The following CUL2 variants were observed in gnomAD, a reference collection of about 807,000 sequenced individuals.
CUL2 encodes cullin-2.
CUL2 carries 22 observed loss-of-function variants against 110.2 expected under a neutral mutation model. The observed-to-expected ratio is 0.20, with a 90% confidence interval of 0.14 to 0.28. The LOEUF (loss-of-function observed/expected upper bound fraction) is 0.28, where lower values mean the gene tolerates loss of function less well. Among genes scored for constraint, CUL2 ranks in the 10% least tolerant of loss-of-function variants. The pLI, the probability that CUL2 is intolerant of heterozygous loss-of-function variation, is 1.00. For missense variants in CUL2, 631 were observed against 905.5 expected (o/e 0.70, Z 3.89); for synonymous variants, 279 against 293.2 (o/e 0.95, Z 0.49).
chr10:35,105,332 A>G (rs941593631), intron 1 of CUL2, among the ~76,000 whole-genome samples: 3 of 151,970 alleles, frequency 2.0e-5, no homozygotes, highest in Admixed American at 6.6e-5. Context: ...AGGCTGAGGC[A>G]GGAGAATGGC....
intron 1 of CUL2, among the ~76,000 whole-genome samples, chr10:35,086,432 C>T (rs1380651933): frequency 6.6e-6 from 1 of 152,052 alleles, no homozygotes; most frequent in Non-Finnish European, 1.5e-5. Context: ...GGATTACAGG[C>T]CTGCACCACC....
In CUL2 at chr10:35,082,460, G is replaced by A. The variant is rs80152043; in HGVS notation, c.-23+7719C>T. Among the ~76,000 whole-genome samples the A allele has an allele frequency of 2.7e-3, 409 of 152,154 alleles. 13 individuals carry two copies. In the East Asian group the frequency reaches 0.076, roughly 28 times the overall value. ...TTCTGTCTAGTAACGAAAAAGTTTT[G>A]GAAATGGTGGTTTTGGAAATGGTGG... On this transcript the variant is annotated intron_variant, in intron 1 of 20. Transcript: ENST00000374749.
chr10:35,013,018 A>G (rs986101380), intron 19 of CUL2, among the ~76,000 whole-genome samples: 1 of 152,042 alleles, frequency 6.6e-6, no homozygotes, highest in South Asian at 2.1e-4. Context: ...TTTAAGAAGC[A>G]TTTTCTACTG....
intron 1 of CUL2, among the ~76,000 whole-genome samples, chr10:35,108,686 T>A (rs1324020984): frequency 6.6e-6 from 1 of 152,082 alleles, no homozygotes; most frequent in Non-Finnish European, 1.5e-5. Flanking sequence ...ATAGTTCTTT[T>A]TCAGGGTTTC....
At chr10:35,094,849 C>T (rs1445588497), upstream of CUL2, among the ~76,000 whole-genome samples, 1 of 152,098 alleles carries the variant, frequency 6.6e-6, no homozygotes, top group East Asian at 1.9e-4. Flanking sequence ...CTGGGTAACC[C>T]TTTAAGTTAC....
intron 17 of CUL2, among the ~76,000 whole-genome samples, chr10:35,022,365 T>A (rs1005342730): frequency 6.6e-6 from 1 of 152,220 alleles, no homozygotes; most frequent in African/African-American, 2.4e-5. Context: ...GTGAAGACTC[T>A]TCATTTACAA....
chr10:35,104,249 C>A (rs1589064008), intron 1 of CUL2, among the ~76,000 whole-genome samples: 1 of 152,110 alleles, frequency 6.6e-6, no homozygotes, highest in East Asian at 1.9e-4. Context: ...GAGTTGGAGA[C>A]CAGCCTGGGT....
intron 1 of CUL2, among the ~76,000 whole-genome samples, chr10:35,113,510 A>AAAC (rs2087550145): frequency 1.4e-5 from 2 of 140,472 alleles, no homozygotes. Flanking sequence ...AAAAAAAAAA[A>AAAC]AAAAAAAAAA....
intron 1 of CUL2, among the ~76,000 whole-genome samples, chr10:35,120,205 C>T (rs1472001597): frequency 6.6e-6 from 1 of 152,098 alleles, no homozygotes; most frequent in Non-Finnish European, 1.5e-5. Context: ...GGCTTAGACA[C>T]AAATACCAAA....
At chr10:35,056,147 G>A (rs1321885024) in intron 4 of CUL2, among the ~76,000 whole-genome samples, 1 of 152,190 alleles carries the variant, frequency 6.6e-6, no homozygotes, top group Non-Finnish European at 1.5e-5. Flanking sequence ...AGAATGTACA[G>A]TATACAAAGC....
Position 35,009,152 on chromosome 10 carries a change from T to C in CUL2, c.*1159A>G, listed in dbSNP as rs2084831947. 1 of 146,844 alleles carries C rather than the reference T, an allele frequency of 6.8e-6. No individual in the cohort carries two copies. 9.1% of individuals were successfully genotyped at this position (146,844 alleles called of 1,614,324 possible). A position where few individuals can be genotyped will look rare whatever the true frequency, so the allele number is the denominator to read the frequency against. Reference sequence around the variant, plus strand: ...TGTGGATAGACAATAAATATGATAATAGATCGCAGTACTCTTAACACTGCT... The same window carrying C: ...TGTGGATAGACAATAAATATGATAACAGATCGCAGTACTCTTAACACTGCT... On this transcript the variant is annotated 3_prime_UTR_variant, in exon 21 of 21. Coordinates refer to ENST00000374749, the MANE Select transcript of CUL2 (RefSeq NM_003591.4).
intron 1 of CUL2, among the ~76,000 whole-genome samples, chr10:35,124,205 A>T (rs1387191573): frequency 6.6e-6 from 1 of 152,188 alleles, no homozygotes; most frequent in Non-Finnish European, 1.5e-5. Flanking sequence ...TTAAAAAATA[A>T]GGCAGTAGTC....
At chr10:35,095,830 A>C (rs996797723) in intron 2 of CUL2, among the ~76,000 whole-genome samples, 43 of 152,178 alleles carry the variant, frequency 2.8e-4, no homozygotes, top group African/African-American at 1.0e-3. Context: ...CAAAGAGTTG[A>C]GATTACAGGC....
In CUL2 at chr10:35,012,119, T is replaced by C. The variant is rs146565928; in HGVS notation, c.1990-155A>G. 3.7e-3 allele frequency among the ~76,000 whole-genome samples: 566 copies of C among 151,092 alleles called. 6 individuals carry two copies. The highest frequency in any genetic ancestry group is 0.013 in the African/African-American group (531 of 41,150). ...TCCTGGCTGGAGTTCAGTGACTCGC[T>C]CTCAGCTCACCGCAACCTCCATCTC... On this transcript the variant is annotated intron_variant, in intron 19 of 20. Coordinates refer to ENST00000374749, the MANE Select transcript of CUL2 (RefSeq NM_003591.4).
intron 10 of CUL2, among the ~76,000 whole-genome samples, chr10:35,033,647 G>GAACT (rs1293143783): frequency 6.6e-6 from 1 of 151,990 alleles, no homozygotes; most frequent in African/African-American, 2.4e-5. Flanking sequence ...TGAGGCAGGG[G>GAACT]AACTGCTGGA....
At chr10:35,079,853 T>C (rs1260228659) in intron 1 of CUL2, among the ~76,000 whole-genome samples, 1 of 152,252 alleles carries the variant, frequency 6.6e-6, no homozygotes, top group South Asian at 2.1e-4. Context: ...TCAGGGTGAC[T>C]TGAACACAAA....
chr10:35,093,074 C>T (rs914027445), upstream of CUL2, among the ~76,000 whole-genome samples: 1 of 152,012 alleles, frequency 6.6e-6, no homozygotes, highest in African/African-American at 2.4e-5. Context: ...GTCCTATGGC[C>T]CCACCCAGAG....
chr10:35,040,743 G>T (rs1008616586), intron 8 of CUL2, among the ~76,000 whole-genome samples: 2 of 152,162 alleles, frequency 1.3e-5, no homozygotes, highest in African/African-American at 4.8e-5. Flanking sequence ...GGGCGGCATT[G>T]GTGGGGGCAG....
At chr10:35,086,036 G>T (rs953879725) in intron 1 of CUL2, among the ~76,000 whole-genome samples, 1 of 151,714 alleles carries the variant, frequency 6.6e-6, no homozygotes, top group Non-Finnish European at 1.5e-5. Context: ...AAAGAAACAA[G>T]CAGCCTGGCC....
Sources: allele counts gnomAD v4.1 joint callset (sites outside exome capture counted in the v4.1 genomes callset), GRCh38; gene constraint gnomAD v4.1.1; transcripts MANE v1.5; gene names NCBI Gene and HGNC (gene_info 2026-07-23, HGNC 2026-07-21).